Variants in KDM2A observed in about 807,000 individuals in gnomAD.
KDM2A encodes the protein lysine demethylase 2A, also known as lysine-specific demethylase 2A.
KDM2A carries 3 observed loss-of-function variants against 137.3 expected under a neutral mutation model. The ratio of observed to expected loss-of-function variants is 0.02; its 90% CI spans 0.01 to 0.06. KDM2A has a LOEUF of 0.06. Among genes scored for constraint, KDM2A ranks in the 10% least tolerant of loss-of-function variants. KDM2A has a pLI of 1.00. For missense variants in KDM2A, 738 were observed against 1,510.6 expected (o/e 0.49, Z 8.48); for synonymous variants, 512 against 541.5 (o/e 0.95, Z 0.76).
Position 67,245,896 on chromosome 11 carries a change from A to G in KDM2A, c.1834-89A>G. ...CAGGTGTTTAGTAGAGAATTATAGGACCCAAATCTCCCATCTTCAGTTTAA... is the reference window on the plus strand; with the variant it reads ...CAGGTGTTTAGTAGAGAATTATAGGGCCCAAATCTCCCATCTTCAGTTTAA... On this transcript the variant is annotated intron_variant, in intron 14 of 20. Transcript: ENST00000529006. The surrounding 1 kb of genome is among the most constrained non-coding windows in gnomAD (Gnocchi z 4.1). 6.8e-7 allele frequency: 1 copy of G among 1,480,084 alleles called. No individual in the cohort carries two copies. Among genetic ancestry groups the G allele is most frequent in the Admixed American group, 1.8e-5 (1 of 54,730 alleles). The allele number at this position is 1,480,084 out of a possible 1,614,324, so 91.7% of individuals were successfully genotyped here. A position where few individuals can be genotyped will look rare whatever the true frequency, so the allele number is the denominator to read the frequency against.
At chr11:67,130,508 C>T (rs1487176565) in intron 2 of KDM2A, among the ~76,000 whole-genome samples, 10 of 152,080 alleles carry the variant, frequency 6.6e-5, no homozygotes, top group Admixed American at 2.0e-4. Context: ...TTTAGACAGC[C>T]TTAAAGCTGT....
chr11:67,226,952 A>C (rs549443762), intron 10 of KDM2A, among the ~76,000 whole-genome samples: 1 of 152,162 alleles, frequency 6.6e-6, no homozygotes, highest in Non-Finnish European at 1.5e-5. Flanking sequence ...AAGTTAAAAA[A>C]AAATGGTTTC....
At chr11:67,122,586 G>A (rs529406513) in intron 2 of KDM2A, among the ~76,000 whole-genome samples, 145 of 152,190 alleles carry the variant, frequency 9.5e-4, no homozygotes, top group Non-Finnish European at 1.7e-3. Context: ...GCCTCCCAAA[G>A]TGCTGGGATT....
At chr11:67,221,920 G>C (rs150823978) in intron 10 of KDM2A, among the ~76,000 whole-genome samples, 1 of 150,850 alleles carries the variant, frequency 6.6e-6, no homozygotes, top group East Asian at 1.9e-4. Flanking sequence ...GGGTGGAAGA[G>C]TGAGACACAG....
chr11:67,174,562 C>T (rs1328495342), intron 2 of KDM2A, among the ~76,000 whole-genome samples: 1 of 152,046 alleles, frequency 6.6e-6, no homozygotes, highest in Non-Finnish European at 1.5e-5. Context: ...CTGCTCACCA[C>T]CTAGGAGAGT....
chr11:67,175,128 G>A (rs575296187), intron 2 of KDM2A, among the ~76,000 whole-genome samples: 1 of 152,186 alleles, frequency 6.6e-6, no homozygotes, highest in Non-Finnish European at 1.5e-5. Flanking sequence ...AGCAGAGATT[G>A]TGTTATTGCC....
intron 12 of KDM2A, chr11:67,240,114 G>T: frequency 7.3e-7 from 1 of 1,373,762 alleles, no homozygotes; most frequent in South Asian, 1.8e-5. Context: ...ACAGGAAGCC[G>T]CGGCTGAGCT....
intron 2 of KDM2A, among the ~76,000 whole-genome samples, chr11:67,141,448 T>G (rs1010142156): frequency 3.3e-5 from 5 of 151,490 alleles, no homozygotes; most frequent in African/African-American, 1.2e-4. Flanking sequence ...GGGCGGATCA[T>G]GAGGTCAGAA....
At chr11:67,149,268 CCTTT>C (rs1856326695) in intron 2 of KDM2A, 1 of 152,010 alleles carries the variant, frequency 6.6e-6, no homozygotes, top group South Asian at 2.1e-4. Context: ...TACTTCTTAA[CCTTT>C]CTGAGTCTCA....
At chr11:67,247,076 T>TATAA (rs1565424329) in intron 15 of KDM2A, among the ~76,000 whole-genome samples, 10 of 70,610 alleles carry the variant, frequency 1.4e-4, no homozygotes, top group African/African-American at 5.5e-4. Flanking sequence ...TATATATTTT[T>TATAA]TTTTTTTTTT....
intron 3 of KDM2A, 87 bp from the exon 4 acceptor site, chr11:67,181,233 T>C: frequency 2.6e-6 from 2 of 761,328 alleles, no homozygotes; most frequent in Non-Finnish European, 4.4e-6. Flanking sequence ...ACACCATTTA[T>C]ACTGTATTAC....
Position 67,190,970 on chromosome 11 carries a change from A to T in KDM2A, c.307+9078A>T, listed in dbSNP as rs560498411. Among the ~76,000 whole-genome samples the T allele has an allele frequency of 1.4e-4, 21 of 152,340 alleles. No individual in the cohort carries two copies. The South Asian group carries it at 4.3e-3, about 32-fold the overall frequency. ...CTGGGCCTGATGGCTTTGGTGGTGAATTCTACCAAACATTTAAAGAGGAAC... is the reference window on the plus strand; with the variant it reads ...CTGGGCCTGATGGCTTTGGTGGTGATTTCTACCAAACATTTAAAGAGGAAC... On this transcript the variant is annotated intron_variant, in intron 5 of 20. Transcript: ENST00000529006.
At chr11:67,170,194 AGT>A (rs113427726) in intron 2 of KDM2A, among the ~76,000 whole-genome samples, 23 of 152,292 alleles carry the variant, frequency 1.5e-4, no homozygotes, top group African/African-American at 5.1e-4. Flanking sequence ...TAGAAATAGC[AGT>A]GTTTTCATTT....
In KDM2A at chr11:67,250,186, C is replaced by A. The variant is rs1315956446; in HGVS notation, c.2156C>A (p.Pro719His). 2.5e-6 allele frequency: 4 copies of A among 1,613,770 alleles called. No homozygotes were observed. The highest frequency in any genetic ancestry group is 3.4e-6 in the Non-Finnish European group (4 of 1,179,874). The change falls in exon 17 of 21, where the codon CCC (proline) becomes CAC (histidine). Residue 719 changes from proline to histidine, a missense_variant. Pro to His is a moderately conservative substitution (Grantham distance 77, BLOSUM62 -2). Around this residue, in one of 9 missense-constraint regions of KDM2A, gnomAD observed 244 missense variants for 324.6 expected, o/e 0.75. Coordinates refer to ENST00000529006, the MANE Select transcript of KDM2A (RefSeq NM_012308.3). This position sits in a 1 kb window ranked among gnomAD's most constrained non-coding sequence, Gnocchi z 7.1. ...CCTCTCACGCCCCCGCCTCATTCAC[C>A]CACTTCCATGCTGCAGCTCATCCAT... Reference protein sequence around the residue: ...DEPLTPPPHSPTSMLQLIHDP... With the variant: ...DEPLTPPPHSHTSMLQLIHDP...
chr11:67,198,003 T>A (rs1314069534), intron 5 of KDM2A, among the ~76,000 whole-genome samples: 1 of 152,224 alleles, frequency 6.6e-6, no homozygotes, highest in Non-Finnish European at 1.5e-5. Flanking sequence ...AGATAAAAAT[T>A]CCTTAAATCA....
chr11:67,156,718 CAAAAAAAA>C (rs56973148), intron 2 of KDM2A, among the ~76,000 whole-genome samples: 4 of 90,892 alleles, frequency 4.4e-5, no homozygotes, highest in South Asian at 4.0e-4. Context: ...GACTCCATCT[CAAAAAAAA>C]AAAAAAAAAA....
chr11:67,158,086 T>C (rs1856559303), intron 2 of KDM2A, among the ~76,000 whole-genome samples: 1 of 152,156 alleles, frequency 6.6e-6, no homozygotes, highest in Non-Finnish European at 1.5e-5. Flanking sequence ...AAATCTACTG[T>C]GCACCACTTA....
chr11:67,214,431 C>G (rs1240352161), intron 6 of KDM2A, among the ~76,000 whole-genome samples: 1 of 152,070 alleles, frequency 6.6e-6, no homozygotes, highest in Non-Finnish European at 1.5e-5. Flanking sequence ...GTCTCGATCT[C>G]CTGACCTCGT....
intron 5 of KDM2A, among the ~76,000 whole-genome samples, chr11:67,185,796 C>G (rs1857188837): frequency 6.6e-6 from 1 of 152,002 alleles, no homozygotes; most frequent in South Asian, 2.1e-4. Context: ...AGTTCGGCCC[C>G]TTCGTGCTTT....
Sources: gnomAD v4.1 joint callset for allele counts (sites outside exome capture counted in the v4.1 genomes callset) on GRCh38, gnomAD v4.1.1 for gene constraint, gnomAD v4.1.1 regional missense constraint, Gnocchi (gnomAD v3.1) non-coding constraint, MANE v1.5 for transcripts, NCBI Gene and HGNC (gene_info 2026-07-23, HGNC 2026-07-21) for gene names.